The following ARHGAP26 variants were observed in gnomAD, a reference collection of about 807,000 sequenced individuals.
ARHGAP26 encodes rho GTPase-activating protein 26.
ARHGAP26 carries 38 observed loss-of-function variants against 104.8 expected under a neutral mutation model. The ratio of observed to expected loss-of-function variants is 0.36; its 90% CI spans 0.28 to 0.48. The LOEUF (loss-of-function observed/expected upper bound fraction) is 0.48, where lower values mean the gene tolerates loss of function less well. Among genes scored for constraint, ARHGAP26 ranks in the 20% least tolerant of loss-of-function variants. The probability of loss-of-function intolerance (pLI) is 0.99; values close to 1 mark genes in which losing one functional copy is unlikely to be tolerated. For missense variants in ARHGAP26, 704 were observed against 947.9 expected, an observed-to-expected ratio of 0.74 and a Z score of 3.38; for synonymous variants, 341 against 340.0, an observed-to-expected ratio of 1.00 and a Z score of -0.03.
At chr5:143,062,294 G>A (rs1394575704) in intron 17 of ARHGAP26, among the ~76,000 whole-genome samples, 1 of 152,168 alleles carries the variant, frequency 6.6e-6, no homozygotes, top group Non-Finnish European at 1.5e-5. Context: ...TTACTCCATT[G>A]CCTCTTGCTG....
intron 18 of ARHGAP26, among the ~76,000 whole-genome samples, chr5:143,132,634 A>G (rs1273470615): frequency 6.6e-6 from 1 of 152,158 alleles, no homozygotes; most frequent in African/African-American, 2.4e-5. Flanking sequence ...AGTGTGTGTT[A>G]ACATTAACTG....
At chr5:142,951,787 A>C (rs1178400104) in intron 11 of ARHGAP26, among the ~76,000 whole-genome samples, 2 of 152,232 alleles carry the variant, frequency 1.3e-5, no homozygotes, top group Non-Finnish European at 2.9e-5. Flanking sequence ...GGAGGTGAAC[A>C]GACCACGAGC....
chr5:143,033,575 G>A (rs949435772), intron 12 of ARHGAP26, among the ~76,000 whole-genome samples: 4 of 152,158 alleles, frequency 2.6e-5, no homozygotes, highest in Admixed American at 2.0e-4. Context: ...GACCACTGGG[G>A]TCATCACTGT....
intron 8 of ARHGAP26, among the ~76,000 whole-genome samples, chr5:142,904,170 A>G (rs1223694881): frequency 1.3e-5 from 2 of 152,138 alleles, no homozygotes; most frequent in Non-Finnish European, 1.5e-5. Flanking sequence ...AATTTTATGA[A>G]AAGTAGGAAC....
chr5:142,796,880 A>G (rs1054862323), intron 1 of ARHGAP26, among the ~76,000 whole-genome samples: 3 of 152,198 alleles, frequency 2.0e-5, no homozygotes, highest in African/African-American at 4.8e-5. Context: ...CTGGTTGTTT[A>G]GGTCTCAACA....
At chr5:143,017,682 G>A (rs1779778485) in intron 12 of ARHGAP26, among the ~76,000 whole-genome samples, 1 of 152,092 alleles carries the variant, frequency 6.6e-6, no homozygotes, top group African/African-American at 2.4e-5. Context: ...GGAGCCATTC[G>A]TATTCCTCTG....
chr5:142,902,927 G>A (rs933090572), intron 7 of ARHGAP26, among the ~76,000 whole-genome samples: 2 of 152,192 alleles, frequency 1.3e-5, no homozygotes, highest in African/African-American at 4.8e-5. Flanking sequence ...ACTCGCAGAG[G>A]GGGAAATAGA....
intron 11 of ARHGAP26, among the ~76,000 whole-genome samples, chr5:142,986,107 G>C (rs201507121): frequency 6.6e-6 from 1 of 152,172 alleles, no homozygotes; most frequent in Non-Finnish European, 1.5e-5. Context: ...AGTTGAACTA[G>C]TTTACAGTCC....
intron 11 of ARHGAP26, among the ~76,000 whole-genome samples, chr5:142,975,146 G>A (rs147809086): frequency 1.2e-3 from 183 of 152,306 alleles, no homozygotes; most frequent in East Asian, 5.8e-3. Context: ...TAATGGAAAT[G>A]ATGGTAGACT....
chr5:143,134,923 A>G (rs548811552), intron 19 of ARHGAP26, among the ~76,000 whole-genome samples: 1 of 152,372 alleles, frequency 6.6e-6, no homozygotes, highest in Non-Finnish European at 1.5e-5. Context: ...AGCTACTACC[A>G]TTATTGGTTA....
intron 14 of ARHGAP26, among the ~76,000 whole-genome samples, chr5:143,052,927 C>G (rs548526568): frequency 6.6e-6 from 1 of 152,252 alleles, no homozygotes; most frequent in East Asian, 1.9e-4. Context: ...GTGGCTGCCT[C>G]CCTTTACCTG....
chr5:143,050,253 G>A lies in ARHGAP26; in HGVS notation c.1286-4186G>A, dbSNP rs1439659059. 2.0e-5 allele frequency among the ~76,000 whole-genome samples: 3 copies of A among 152,162 alleles called. No homozygotes were observed. In the East Asian group the frequency reaches 5.8e-4, roughly 29 times the overall value. ...ATTTTCTGTGCTGTTAAAAATTTGT[G>A]TCCCTTTTTTGTGTGTTTTTACCAT... On this transcript the variant is annotated intron_variant, in intron 14 of 22. Coordinates refer to ENST00000645722, the MANE Select transcript of ARHGAP26 (RefSeq NM_001135608.3).
intron 1 of ARHGAP26, among the ~76,000 whole-genome samples, chr5:142,872,979 A>T (rs899230642): frequency 6.6e-6 from 1 of 152,130 alleles, no homozygotes; most frequent in African/African-American, 2.4e-5. Context: ...ACCTAGGGGA[A>T]ATTACTGTTG....
At chr5:142,903,694 T>C (rs1760696220) in intron 8 of ARHGAP26, 25 bp downstream of exon 8, 1 of 1,611,546 alleles carries the variant, frequency 6.2e-7, no homozygotes, top group Admixed American at 1.7e-5. Flanking sequence ...TAGCAACAGC[T>C]TGGGATGTAC....
intron 7 of ARHGAP26, among the ~76,000 whole-genome samples, chr5:142,902,507 G>A (rs1386563806): frequency 2.0e-5 from 3 of 152,234 alleles, no homozygotes; most frequent in Non-Finnish European, 2.9e-5. Context: ...ATCCAAGTCC[G>A]TGCTTCGCTC....
Position 143,211,711 on chromosome 5 carries a change from C to T in ARHGAP26, c.2100-2286C>T, listed in dbSNP as rs567607793. On this transcript the variant is annotated intron_variant, in intron 21 of 22. Coordinates refer to ENST00000645722, the MANE Select transcript of ARHGAP26 (RefSeq NM_001135608.3). ...CCTCCCAAGTAACCTGGACTCCACA[C>T]GTGTCCCATCATGCCTGGCTAATTT... 1.4e-4 allele frequency among the ~76,000 whole-genome samples: 21 copies of T among 152,016 alleles called. No individual in the cohort carries two copies. The South Asian group carries it at 2.9e-3, about 21-fold the overall frequency.
At chr5:142,854,651 A>G (rs1257115969) in intron 1 of ARHGAP26, among the ~76,000 whole-genome samples, 5 of 152,242 alleles carry the variant, frequency 3.3e-5, no homozygotes, top group Non-Finnish European at 7.3e-5. Context: ...AGCAAAGGAA[A>G]ATGAAAGGGA....
chr5:142,826,720 A>G (rs1309125404), intron 1 of ARHGAP26, among the ~76,000 whole-genome samples: 1 of 152,144 alleles, frequency 6.6e-6, no homozygotes, highest in Non-Finnish European at 1.5e-5. Flanking sequence ...ACCAGGTGCG[A>G]TCTAGTTTTC....
At chr5:143,095,443 T>G (rs1792152737) in intron 17 of ARHGAP26, among the ~76,000 whole-genome samples, 1 of 152,208 alleles carries the variant, frequency 6.6e-6, no homozygotes, top group Non-Finnish European at 1.5e-5. Flanking sequence ...ACAGCCTTTG[T>G]CTATGTGGAT....
Sources: allele counts gnomAD v4.1 joint callset (sites outside exome capture counted in the v4.1 genomes callset), GRCh38; gene constraint gnomAD v4.1.1; transcripts MANE v1.5; gene names NCBI Gene and HGNC (gene_info 2026-07-23, HGNC 2026-07-21).